Variants in CDH7 observed in about 807,000 individuals in gnomAD.
CDH7 encodes the protein cadherin-7.
In CDH7, 25 loss-of-function variants were observed where a neutral mutation model predicts 71.8. That is an observed-to-expected ratio of 0.35 (90% CI 0.25 to 0.49). CDH7 has a LOEUF of 0.49. CDH7 is among the 20% of genes least tolerant of loss of function. CDH7 has a pLI of 0.99. For missense variants in CDH7, 862 were observed against 974.6 expected (o/e 0.88, Z 1.54); for synonymous variants, 381 against 363.8 (o/e 1.05, Z -0.54).
chr18:65,791,214 A>G (rs1218178712), intron 2 of CDH7, among the ~76,000 whole-genome samples: 3 of 152,182 alleles, frequency 2.0e-5, no homozygotes, highest in Non-Finnish European at 4.4e-5. Context: ...GAGTACATGT[A>G]TGTGTGTTTA....
chr18:65,815,361 A>G (rs1323351383), intron 4 of CDH7, among the ~76,000 whole-genome samples: 1 of 152,140 alleles, frequency 6.6e-6, no homozygotes, highest in Non-Finnish European at 1.5e-5. Context: ...GTGAAAATCC[A>G]CGTTTTCTCT....
chr18:65,807,882 C>T (rs1180075416), intron 2 of CDH7, among the ~76,000 whole-genome samples: 1 of 152,124 alleles, frequency 6.6e-6, no homozygotes. Flanking sequence ...GTTGCATAGT[C>T]CCTTCTTTCC....
chr18:65,843,303 T>C (rs1912804519), intron 6 of CDH7, among the ~76,000 whole-genome samples: 1 of 152,140 alleles, frequency 6.6e-6, no homozygotes, highest in African/African-American at 2.4e-5. Context: ...TGTTTGCAGA[T>C]TGAACAACCT....
chr18:65,808,340 A>G (rs1212391858), intron 2 of CDH7, among the ~76,000 whole-genome samples: 2 of 152,254 alleles, frequency 1.3e-5, no homozygotes, highest in Non-Finnish European at 1.5e-5. Context: ...CATATATAAT[A>G]GTAACCCTAA....
chr18:65,772,381 T>C (rs1916569515), intron 2 of CDH7, among the ~76,000 whole-genome samples: 1 of 152,198 alleles, frequency 6.6e-6, no homozygotes, highest in South Asian at 2.1e-4. Context: ...CAGTTCTGTA[T>C]TTCTCATCTA....
intron 6 of CDH7, among the ~76,000 whole-genome samples, chr18:65,842,861 T>TTTTTC (rs397724557): frequency 2.0e-5 from 3 of 150,676 alleles, no homozygotes; most frequent in Non-Finnish European, 3.0e-5. Flanking sequence ...GTTTTTTTTT[T>TTTTTC]CACTGTTTTT....
chr18:65,832,927 G>A (rs528287156), intron 6 of CDH7, among the ~76,000 whole-genome samples: 1 of 151,976 alleles, frequency 6.6e-6, no homozygotes, highest in Admixed American at 6.6e-5. Context: ...AGTTACTATA[G>A]AGTAAAAAAA....
chr18:65,786,939 T>G (rs953893904), intron 2 of CDH7, among the ~76,000 whole-genome samples: 11 of 152,158 alleles, frequency 7.2e-5, no homozygotes, highest in Non-Finnish European at 1.6e-4. Flanking sequence ...TCCTCTGGCC[T>G]CAGCCCCCCA....
chr18:65,784,662 A>G (rs142201010), intron 2 of CDH7, among the ~76,000 whole-genome samples: 5 of 152,264 alleles, frequency 3.3e-5, no homozygotes, highest in South Asian at 2.1e-4. Flanking sequence ...ATTCCACAGT[A>G]TTCTTTTTAT....
At position 65,792,218 on chromosome 18, in the gene CDH7, G is replaced by C. The variant is rs146886187; in HGVS notation, c.211-17486G>C. On this transcript the variant is annotated intron_variant, in intron 2 of 11. Transcript: ENST00000397968. ...TTTTTTTTTTTTTTTTTTTAAGACTGACAAAATAGGGAAGACATCTTAGAG... is the reference window on the plus strand; with the variant it reads ...TTTTTTTTTTTTTTTTTTTAAGACTCACAAAATAGGGAAGACATCTTAGAG... Among the ~76,000 whole-genome samples, 60 of 120,154 alleles carry C rather than the reference G, an allele frequency of 5.0e-4. 1 individual carries two copies. The East Asian group carries it at 0.015, about 30-fold the overall frequency. 78.8% of individuals were successfully genotyped at this position (120,154 alleles called of 152,430 possible).
chr18:65,802,041 C>A (rs1911142884), intron 2 of CDH7, among the ~76,000 whole-genome samples: 1 of 152,204 alleles, frequency 6.6e-6, no homozygotes, highest in South Asian at 2.1e-4. Flanking sequence ...TCTCTGCCTT[C>A]ATTGTGGTGA....
rs1914446733 is a variant in CDH7 at position 65,889,173 on chromosome 18, A to T, written c.*8279A>T. 1 of 152,162 alleles carries T rather than the reference A, an allele frequency of 6.6e-6. No individual in the cohort carries two copies. Among genetic ancestry groups the T allele is most frequent in the African/African-American group, 2.4e-5 (1 of 41,438 alleles). The allele number at this position is 152,162 out of a possible 1,614,324, so 9.4% of individuals were successfully genotyped here. On this transcript the variant is annotated 3_prime_UTR_variant, in exon 12 of 12. Transcript: ENST00000397968. ...AAAACACGGCAGACCAGATTTTCTG[A>T]GGGTTACCCGCTATGCAGATTCATA...
intron 1 of CDH7, 90 bp downstream of exon 1, chr18:65,751,240 T>A (rs1915865363): frequency 6.6e-6 from 1 of 152,574 alleles, no homozygotes. Flanking sequence ...GACTAATCAG[T>A]GAGCGGAGAG....
chr18:65,857,364 A>G (rs2877949), intron 7 of CDH7, among the ~76,000 whole-genome samples: 2 of 129,314 alleles, frequency 1.5e-5, no homozygotes, highest in Non-Finnish European at 3.3e-5. Flanking sequence ...ATAATAATAA[A>G]ATAGCCAAAT....
rs1264301470 is a variant in CDH7, at chr18:65,885,969, G to A, written c.*5075G>A. On this transcript the variant is annotated 3_prime_UTR_variant, in exon 12 of 12. Transcript: ENST00000397968. ...TTAATCTCATTGTTAACAGAATATAGAGTGTGAATTATTTGTTATTAAATG... is the reference window on the plus strand; with the variant it reads ...TTAATCTCATTGTTAACAGAATATAAAGTGTGAATTATTTGTTATTAAATG... The A allele has an allele frequency of 6.6e-6, 1 of 152,148 alleles. No homozygotes were observed. The highest frequency in any genetic ancestry group is 6.5e-5 in the Admixed American group (1 of 15,278). 9.4% of individuals were successfully genotyped at this position (152,148 alleles called of 1,614,324 possible).
intron 2 of CDH7, among the ~76,000 whole-genome samples, chr18:65,768,884 C>T (rs1443121113): frequency 6.6e-6 from 1 of 151,992 alleles, no homozygotes; most frequent in Non-Finnish European, 1.5e-5. Context: ...CCAAGAAAAT[C>T]TCTTTTGTAT....
At chr18:65,791,833 G>A (rs968735472) in intron 2 of CDH7, among the ~76,000 whole-genome samples, 1 of 152,104 alleles carries the variant, frequency 6.6e-6, no homozygotes, top group Non-Finnish European at 1.5e-5. Context: ...AATTATTGGG[G>A]AAACAAATAC....
chr18:65,877,644 C>T (rs1479785054), intron 11 of CDH7, among the ~76,000 whole-genome samples: 1 of 152,010 alleles, frequency 6.6e-6, no homozygotes, highest in Non-Finnish European at 1.5e-5. Flanking sequence ...CTTATTTCTA[C>T]CTGCCTCCAT....
At position 65,882,119 on chromosome 18, in the gene CDH7, T is replaced by A. The variant is rs1678579102; in HGVS notation, c.*1225T>A. 1.3e-5 allele frequency: 2 copies of A among 152,126 alleles called. No individual in the cohort carries two copies. Among genetic ancestry groups the A allele is most frequent in the Non-Finnish European group, 2.9e-5 (2 of 67,982 alleles). The allele number at this position is 152,126 out of a possible 1,614,324, so 9.4% of individuals were successfully genotyped here. A position where few individuals can be genotyped will look rare whatever the true frequency, so the allele number is the denominator to read the frequency against. On this transcript the variant is annotated 3_prime_UTR_variant, in exon 12 of 12. Coordinates refer to ENST00000397968, the MANE Select transcript of CDH7 (RefSeq NM_004361.5). ...AGTTTTTAAAAGTCTTAATATAATG[T>A]TATAAAAATTAAAATCCATCTTTAA... is the stretch of plus-strand genomic sequence containing the variant.
Sources: gnomAD v4.1 joint callset for allele counts (sites outside exome capture counted in the v4.1 genomes callset) on GRCh38, gnomAD v4.1.1 for gene constraint, MANE v1.5 for transcripts, NCBI Gene and HGNC (gene_info 2026-07-23, HGNC 2026-07-21) for gene names.